Variants in AP3B1 observed in about 807,000 individuals in gnomAD.
The protein encoded by AP3B1 is AP-3 complex subunit beta-1.
AP3B1 carries 61 observed loss-of-function variants against 132.5 expected under a neutral mutation model. That is an observed-to-expected ratio of 0.46 (90% CI 0.37 to 0.57). The LOEUF (loss-of-function observed/expected upper bound fraction) is 0.57, where lower values mean the gene tolerates loss of function less well. AP3B1 is among the 20% of genes least tolerant of loss of function. AP3B1 has a pLI of 0.00. For missense variants in AP3B1, 1,120 were observed against 1,289.4 expected (o/e 0.87, Z 2.01); for synonymous variants, 388 against 438.3 (o/e 0.89, Z 1.43).
rs546688577 is a variant in AP3B1 at position 78,239,254 on chromosome 5, T to C, written c.279+1608A>G. Among the ~76,000 whole-genome samples the C allele has an allele frequency of 1.1e-4, 16 of 152,112 alleles. No homozygotes were observed. In the Middle Eastern group the frequency reaches 0.01, roughly 97 times the overall value. On this transcript the variant is annotated intron_variant, in intron 3 of 26. Transcript: ENST00000255194. ...GGGAGGCCAAGGTTGGCAGATTGCT[T>C]GAGCCTGGGAGTTCGAAACCAGCCT...
chr5:78,012,367 ATTGT>A (rs1746658060), intron 26 of AP3B1, among the ~76,000 whole-genome samples: 1 of 152,126 alleles, frequency 6.6e-6, no homozygotes, highest in Admixed American at 6.5e-5. Context: ...TTTATTAACA[ATTGT>A]TTATTTTTGT....
In AP3B1 at chr5:78,162,899, A is replaced by G; in HGVS notation, c.1283T>C (p.Ile428Thr). 4 of 1,613,932 alleles carry G rather than the reference A, an allele frequency of 2.5e-6. No individual in the cohort carries two copies. The highest frequency in any genetic ancestry group is 3.4e-6 in the Non-Finnish European group (4 of 1,179,804). Residue 428 changes from isoleucine (I) to threonine (T), a missense_variant, in exon 13 of 27, where the codon ATA (isoleucine) becomes ACA (threonine). Ile to Thr is a moderately conservative substitution (Grantham distance 89). This residue lies in a region of AP3B1 where 906 missense variants were observed against 997.1 expected (regional missense o/e 0.91). Transcript: ENST00000255194. ...KQFAAATIQT[I>T]GRCATNILEV... The stretch of plus-strand genomic sequence containing the variant: ...CAAGATGTTGGTTGCACATCTGCCT[A>G]TAGTCTGAATAGTGGCTGCTGCAAA...
chr5:78,219,065 C>T (rs1220148874), intron 6 of AP3B1, among the ~76,000 whole-genome samples: 8 of 151,998 alleles, frequency 5.3e-5, no homozygotes, highest in Non-Finnish European at 8.8e-5. Context: ...GTGTCTTATC[C>T]CTACGGTTTA....
intron 17 of AP3B1, chr5:78,121,999 T>C (rs1367253330): frequency 6.6e-6 from 1 of 152,326 alleles, no homozygotes; most frequent in African/African-American, 2.4e-5. Context: ...TTATCCACCA[T>C]GATCAAGTGG....
chr5:78,090,144 T>C (rs1449670039), intron 21 of AP3B1, among the ~76,000 whole-genome samples: 1 of 152,182 alleles, frequency 6.6e-6, no homozygotes, highest in East Asian at 1.9e-4. Flanking sequence ...GCCCAACTCC[T>C]CAATTAAGTT....
At chr5:78,184,610 C>T (rs1744522159) in intron 7 of AP3B1, among the ~76,000 whole-genome samples, 1 of 151,030 alleles carries the variant, frequency 6.6e-6, no homozygotes, top group East Asian at 1.9e-4. Context: ...ATGGCGTGAA[C>T]CTGGGAGGCA....
chr5:78,181,983 TA>T (rs1226788709), intron 7 of AP3B1, among the ~76,000 whole-genome samples: 2 of 152,166 alleles, frequency 1.3e-5, no homozygotes, highest in African/African-American at 4.8e-5. Flanking sequence ...ACAAGGCCTA[TA>T]ATACTACCTA....
chr5:78,113,934 G>A lies in AP3B1; in HGVS notation c.2078-11C>T, dbSNP rs779661090. ...TTCCAGATTCACTCTCTGAAAAACA[G>A]AACCAGATGTTCTTAGATTTATAGT... On this transcript the variant is annotated splice_polypyrimidine_tract_variant and intron_variant, in intron 18 of 26. Transcript: ENST00000255194. The A allele has an allele frequency of 3.7e-6, 6 of 1,613,464 alleles. No individual in the cohort carries two copies. Among genetic ancestry groups the A allele is most frequent in the Middle Eastern group, 1.7e-4 (1 of 6,060 alleles).
intron 26 of AP3B1, among the ~76,000 whole-genome samples, chr5:78,009,957 A>G (rs1385139750): frequency 6.6e-6 from 1 of 152,230 alleles, no homozygotes; most frequent in Non-Finnish European, 1.5e-5. Context: ...GCGGTTCATG[A>G]AAAGGCAAAA....
At chr5:78,046,424 G>A (rs991284111) in intron 22 of AP3B1, among the ~76,000 whole-genome samples, 2 of 152,162 alleles carry the variant, frequency 1.3e-5, no homozygotes, top group Admixed American at 1.3e-4. Context: ...TATTCCCAAC[G>A]GTCCATGGAA....
In AP3B1 at chr5:78,231,059, G is replaced by A. The variant is rs374990076; in HGVS notation, c.280-2820C>T. Among the ~76,000 whole-genome samples, 17 of 152,098 alleles carry A rather than the reference G, an allele frequency of 1.1e-4. No individual in the cohort carries two copies. The East Asian group carries it at 1.2e-3, about 10-fold the overall frequency. ...TGCTGGAACCCGGGAGGCAGAGGTT[G>A]CAGCAAGCCAAGATCGCACCACTGC... is the stretch of plus-strand genomic sequence containing the variant. On this transcript the variant is annotated intron_variant, in intron 3 of 26. Coordinates refer to ENST00000255194, the MANE Select transcript of AP3B1 (RefSeq NM_003664.5).
chr5:78,132,595 T>C (rs1752737260), intron 15 of AP3B1, among the ~76,000 whole-genome samples: 1 of 152,244 alleles, frequency 6.6e-6, no homozygotes, highest in South Asian at 2.1e-4. Flanking sequence ...AGTTATTTGA[T>C]CTAAATGAGG....
intron 2 of AP3B1, among the ~76,000 whole-genome samples, chr5:78,246,763 G>A (rs1219244161): frequency 6.6e-6 from 1 of 151,864 alleles, no homozygotes; most frequent in African/African-American, 2.4e-5. Flanking sequence ...TCTTTTCCAA[G>A]GACTAGTTTT....
intron 22 of AP3B1, among the ~76,000 whole-genome samples, chr5:78,084,448 C>T (rs542724948): frequency 7.1e-6 from 1 of 140,352 alleles, no homozygotes; most frequent in South Asian, 2.2e-4. Context: ...GGCTTGAACC[C>T]AGGAAGCAGA....
At chr5:78,209,863 TA>T (rs1261857934) in intron 7 of AP3B1, among the ~76,000 whole-genome samples, 2 of 152,196 alleles carry the variant, frequency 1.3e-5, no homozygotes, top group African/African-American at 4.8e-5. Flanking sequence ...TGGTAAAATT[TA>T]AAGTTTTCTT....
chr5:78,193,743 T>TAC (rs1561469438), intron 7 of AP3B1, among the ~76,000 whole-genome samples: 1 of 49,688 alleles, frequency 2.0e-5, no homozygotes, highest in Non-Finnish European at 3.9e-5. Flanking sequence ...TATATATTTT[T>TAC]TTATATATAT....
At chr5:78,208,004 A>G (rs1401115646) in intron 7 of AP3B1, among the ~76,000 whole-genome samples, 5 of 152,066 alleles carry the variant, frequency 3.3e-5, no homozygotes, top group African/African-American at 1.2e-4. Context: ...CCATCTACCC[A>G]CTCTTAAGAA....
At chr5:78,215,355 T>G (rs1000177799) in intron 7 of AP3B1, among the ~76,000 whole-genome samples, 1 of 152,088 alleles carries the variant, frequency 6.6e-6, no homozygotes, top group African/African-American at 2.4e-5. Context: ...AAATCTTAAA[T>G]GTATACATCC....
chr5:78,184,695 A>AAAAAAAAAAAAAAAAAAAAC (rs1744529547), intron 7 of AP3B1, among the ~76,000 whole-genome samples: 9 of 151,988 alleles, frequency 5.9e-5, no homozygotes, highest in African/African-American at 2.2e-4. Flanking sequence ...TCAAAAAAAA[A>AAAAAAAAAAAAAAAAAAAAC]AAAACAGAGT....
Sources: gnomAD v4.1 joint callset for allele counts (sites outside exome capture counted in the v4.1 genomes callset) on GRCh38, gnomAD v4.1.1 for gene constraint, gnomAD v4.1.1 regional missense constraint, MANE v1.5 for transcripts, NCBI Gene and HGNC (gene_info 2026-07-23, HGNC 2026-07-21) for gene names.